Variants in GABRB2 observed in about 807,000 individuals in gnomAD.
GABRB2 encodes gamma-aminobutyric acid type A receptor subunit beta2.
In GABRB2, 16 loss-of-function variants were observed where a neutral mutation model predicts 54.7. The observed-to-expected ratio is 0.29, with a 90% CI of 0.20 to 0.44. GABRB2 has a LOEUF of 0.44. GABRB2 is among the 20% of genes least tolerant of loss of function. The pLI, the probability that GABRB2 is intolerant of heterozygous loss-of-function variation, is 1.00. For missense variants in GABRB2, 355 were observed against 644.0 expected (o/e 0.55, Z 4.86); for synonymous variants, 244 against 233.8 (o/e 1.04, Z -0.40).
rs535203676 is a variant in GABRB2 at position 161,468,580 on chromosome 5, A to T, written c.238-8736T>A. ...CCCTCATTTTTATAATGTTCACAGT[A>T]CTTACTATATTTTTTCAGTTAATAA... On this transcript the variant is annotated intron_variant, in intron 3 of 9. Transcript: ENST00000393959. 9.9e-5 allele frequency among the ~76,000 whole-genome samples: 15 copies of T among 152,088 alleles called. No individual in the cohort carries two copies. In the East Asian group the frequency reaches 2.7e-3, roughly 28 times the overall value.
At chr5:161,497,043 GA>G (rs1233996366) in intron 3 of GABRB2, among the ~76,000 whole-genome samples, 1 of 152,068 alleles carries the variant, frequency 6.6e-6, no homozygotes, top group East Asian at 1.9e-4. Flanking sequence ...TTTAAGGGGA[GA>G]CATCCCTCAT....
At chr5:161,361,348 T>C (rs1754803625) in intron 5 of GABRB2, among the ~76,000 whole-genome samples, 1 of 152,162 alleles carries the variant, frequency 6.6e-6, no homozygotes, top group Non-Finnish European at 1.5e-5. Flanking sequence ...AACAATGGTA[T>C]TTATTTATGC....
At chr5:161,509,616 C>T (rs1222093562) in intron 3 of GABRB2, among the ~76,000 whole-genome samples, 1 of 152,070 alleles carries the variant, frequency 6.6e-6, no homozygotes, top group East Asian at 1.9e-4. Context: ...CTGCTTTTGA[C>T]TCTGTCTCCT....
At chr5:161,344,460 CT>C (rs35304201) in intron 5 of GABRB2, among the ~76,000 whole-genome samples, 5 of 151,996 alleles carry the variant, frequency 3.3e-5, no homozygotes, top group Non-Finnish European at 5.9e-5. Flanking sequence ...TGTCAGCAAC[CT>C]TTTAGGGTTT....
At chr5:161,450,468 A>G (rs958805119) in intron 4 of GABRB2, among the ~76,000 whole-genome samples, 8 of 152,186 alleles carry the variant, frequency 5.3e-5, no homozygotes, top group African/African-American at 1.4e-4. Context: ...TCCATTTCTA[A>G]GGCTGAAGAA....
chr5:161,457,984 A>G (rs983225801), intron 4 of GABRB2, among the ~76,000 whole-genome samples: 2 of 152,182 alleles, frequency 1.3e-5, no homozygotes, highest in Admixed American at 1.3e-4. Context: ...ATGAAGTGAT[A>G]TGATGGACAA....
At chr5:161,436,139 C>G (rs902433187) in intron 4 of GABRB2, among the ~76,000 whole-genome samples, 1 of 152,164 alleles carries the variant, frequency 6.6e-6, no homozygotes, top group African/African-American at 2.4e-5. Flanking sequence ...GATTCACTTT[C>G]TTCGTGTGTA....
intron 6 of GABRB2, 35 bp from the exon 7 acceptor site, chr5:161,334,939 A>G: frequency 6.3e-7 from 1 of 1,598,628 alleles, no homozygotes; most frequent in African/African-American, 1.3e-5. Context: ...ATCATTATCA[A>G]TCAATATTTA....
chr5:161,416,430 G>T (rs1345908056), intron 4 of GABRB2, among the ~76,000 whole-genome samples: 1 of 151,956 alleles, frequency 6.6e-6, no homozygotes. Context: ...TCAAACATGT[G>T]ACTAAACATG....
At chr5:161,503,137 T>A (rs1759499582) in intron 3 of GABRB2, among the ~76,000 whole-genome samples, 1 of 151,868 alleles carries the variant, frequency 6.6e-6, no homozygotes, top group Non-Finnish European at 1.5e-5. Context: ...TATTGTTTTT[T>A]TTTTTCCAGA....
chr5:161,520,097 A>G (rs889702484), intron 3 of GABRB2, among the ~76,000 whole-genome samples: 3 of 152,138 alleles, frequency 2.0e-5, no homozygotes, highest in Non-Finnish European at 4.4e-5. Flanking sequence ...CAAGTGAAAT[A>G]TAAGGACATT....
chr5:161,476,315 C>T (rs1023745327), intron 3 of GABRB2, among the ~76,000 whole-genome samples: 3 of 151,892 alleles, frequency 2.0e-5, no homozygotes, highest in Non-Finnish European at 4.4e-5. Flanking sequence ...ATAAACACCA[C>T]CTTCAAGGTT....
intron 3 of GABRB2, among the ~76,000 whole-genome samples, chr5:161,492,588 G>GTGTT (rs10695863): frequency 6.6e-6 from 1 of 151,116 alleles, no homozygotes; most frequent in Non-Finnish European, 1.5e-5. Context: ...GTGTGTGTGT[G>GTGTT]CTTTTTACCC....
In GABRB2 at chr5:161,441,171, A is replaced by G. The variant is rs962847381; in HGVS notation, c.458+18453T>C. ...AAAGGGTACATTCAACAGAGTGAAGAGACAACCCGAAGAATGAGAGAAAAT... is the reference window on the plus strand; with the variant it reads ...AAAGGGTACATTCAACAGAGTGAAGGGACAACCCGAAGAATGAGAGAAAAT... On this transcript the variant is annotated intron_variant, in intron 4 of 9. Coordinates refer to ENST00000393959, the MANE Select transcript of GABRB2 (RefSeq NM_001371727.1). Among the ~76,000 whole-genome samples, 3 of 152,202 alleles carry G rather than the reference A, an allele frequency of 2.0e-5. No homozygotes were observed. In the East Asian group the frequency reaches 5.8e-4, roughly 29 times the overall value.
chr5:161,365,488 G>A (rs1580920627), intron 5 of GABRB2, among the ~76,000 whole-genome samples: 1 of 152,262 alleles, frequency 6.6e-6, no homozygotes, highest in East Asian at 1.9e-4. Flanking sequence ...GGGGTACATA[G>A]TGATGTTTTA....
chr5:161,312,355 G>C (rs142283138), intron 9 of GABRB2, among the ~76,000 whole-genome samples: 1 of 152,070 alleles, frequency 6.6e-6, no homozygotes, highest in Non-Finnish European at 1.5e-5. Context: ...TGAAGATGAC[G>C]GCAGACAGTG....
intron 4 of GABRB2, among the ~76,000 whole-genome samples, chr5:161,458,598 G>T (rs1465414116): frequency 1.3e-5 from 2 of 152,296 alleles, no homozygotes; most frequent in African/African-American, 4.8e-5. Flanking sequence ...TCCTGTTGAG[G>T]GCTTTGGCTC....
At chr5:161,547,373 A>T (rs1368512842), upstream of GABRB2, among the ~76,000 whole-genome samples, 5 of 152,050 alleles carry the variant, frequency 3.3e-5, no homozygotes, top group Admixed American at 3.3e-4. Flanking sequence ...ATAAAAAAGG[A>T]AGAAAGAGAA....
chr5:161,309,951 G>T (rs1482821955), intron 9 of GABRB2, among the ~76,000 whole-genome samples: 1 of 151,998 alleles, frequency 6.6e-6, no homozygotes, highest in Admixed American at 6.6e-5. Context: ...TAAAAAAGTG[G>T]TACATATATA....
Sources: gnomAD v4.1 joint callset for allele counts (sites outside exome capture counted in the v4.1 genomes callset) on GRCh38, gnomAD v4.1.1 for gene constraint, MANE v1.5 for transcripts, NCBI Gene and HGNC (gene_info 2026-07-23, HGNC 2026-07-21) for gene names.